PCDH9: variants seen among roughly 807,000 people sequenced by gnomAD.
PCDH9 encodes the protein protocadherin 9.
In PCDH9, 24 loss-of-function variants were observed where a neutral mutation model predicts 70.6. The observed-to-expected ratio is 0.34, with a 90% CI of 0.25 to 0.48. The LOEUF (loss-of-function observed/expected upper bound fraction) is 0.48. Ranked by LOEUF, PCDH9 falls within the 20% of genes least tolerant of loss-of-function variation. The probability of loss-of-function intolerance (pLI) is 0.99; values close to 1 mark genes in which losing one functional copy is unlikely to be tolerated. For synonymous variants in PCDH9, 562 were observed against 558.5 expected (o/e 1.01, Z -0.09); for missense variants, 1,281 against 1,503.6 (o/e 0.85, Z 2.45).
At chr13:66,864,680 C>G (rs2081540906) in intron 3 of PCDH9, among the ~76,000 whole-genome samples, 1 of 152,228 alleles carries the variant, frequency 6.6e-6, no homozygotes. Context: ...CTGGAATTCT[C>G]TCTTTCCCAC....
At chr13:66,760,714 A>C (rs1197273158) in intron 3 of PCDH9, among the ~76,000 whole-genome samples, 1 of 152,208 alleles carries the variant, frequency 6.6e-6, no homozygotes, top group East Asian at 1.9e-4. Flanking sequence ...GGCAGAACAG[A>C]GTCATATTTC....
chr13:66,687,154 G>C (rs544578497), intron 3 of PCDH9, among the ~76,000 whole-genome samples: 3 of 152,134 alleles, frequency 2.0e-5, no homozygotes, highest in Non-Finnish European at 4.4e-5. Context: ...AATAAGCCAA[G>C]TTTTGTTTGT....
chr13:66,527,101 T>C (rs1960249452), intron 4 of PCDH9, among the ~76,000 whole-genome samples: 1 of 152,010 alleles, frequency 6.6e-6, no homozygotes, highest in Non-Finnish European at 1.5e-5. Context: ...TGCAAAATCT[T>C]TCCATAAAAC....
Position 67,228,025 on chromosome 13 carries a change from G to A in PCDH9, c.416C>T (p.Ala139Val). 1 of 1,613,832 alleles carries A rather than the reference G, an allele frequency of 6.2e-7. No individual in the cohort carries two copies. Among genetic ancestry groups the A allele is most frequent in the Non-Finnish European group, 8.5e-7 (1 of 1,179,814 alleles). Residue 139 changes from alanine to valine, a missense_variant, in exon 2 of 5, where the codon GCC becomes GTC. Transcript: ENST00000377865. Reference sequence around the variant, plus strand: ...GATGACAGGAGATGGAAACATGGGGGCATTATCATTGGTATCCTTGACAAT... The same window carrying A: ...GATGACAGGAGATGGAAACATGGGGACATTATCATTGGTATCCTTGACAAT... ...KIIVKDTNDN[A>V]PMFPSPVINI...
At chr13:66,846,670 GAGT>G (rs1221710189) in intron 3 of PCDH9, among the ~76,000 whole-genome samples, 1 of 151,970 alleles carries the variant, frequency 6.6e-6, no homozygotes, top group African/African-American at 2.4e-5. Flanking sequence ...TATTAAGCTA[GAGT>G]CCCTTTGTAT....
intron 2 of PCDH9, among the ~76,000 whole-genome samples, chr13:67,071,991 T>G (rs1203111824): frequency 6.6e-6 from 1 of 152,014 alleles, no homozygotes; most frequent in Non-Finnish European, 1.5e-5. Flanking sequence ...CAATGTGGTT[T>G]ATGCAATTGA....
At chr13:66,751,356 T>C (rs892761392) in intron 3 of PCDH9, among the ~76,000 whole-genome samples, 5 of 152,088 alleles carry the variant, frequency 3.3e-5, no homozygotes, top group Non-Finnish European at 7.4e-5. Flanking sequence ...AATGTATAAA[T>C]CTAAGTTTTT....
At chr13:66,567,942 G>C (rs150162897) in intron 4 of PCDH9, among the ~76,000 whole-genome samples, 1 of 152,160 alleles carries the variant, frequency 6.6e-6, no homozygotes, top group East Asian at 1.9e-4. Context: ...TATTCCACTA[G>C]TGCTGGTTTG....
At chr13:66,694,800 A>G (rs1418289715) in intron 3 of PCDH9, among the ~76,000 whole-genome samples, 1 of 152,104 alleles carries the variant, frequency 6.6e-6, no homozygotes, top group Non-Finnish European at 1.5e-5. Flanking sequence ...TTGCATATTC[A>G]GAAACTTTAT....
intron 2 of PCDH9, among the ~76,000 whole-genome samples, chr13:67,058,471 C>T (rs762783177): frequency 2.6e-5 from 4 of 152,170 alleles, no homozygotes; most frequent in Non-Finnish European, 2.9e-5. Context: ...TCATTTTTCA[C>T]TGCATTGCCC....
At chr13:67,070,815 CT>C (rs1402140612) in intron 2 of PCDH9, among the ~76,000 whole-genome samples, 1 of 151,930 alleles carries the variant, frequency 6.6e-6, no homozygotes, top group East Asian at 1.9e-4. Flanking sequence ...TAAGTTGATT[CT>C]TTTTTTTCTG....
chr13:66,385,668 T>C (rs949268156), intron 4 of PCDH9, among the ~76,000 whole-genome samples: 1 of 152,218 alleles, frequency 6.6e-6, no homozygotes, highest in Non-Finnish European at 1.5e-5. Context: ...TATTATATAA[T>C]TTAAATTTAT....
At chr13:67,061,900 TC>T (rs1317893960) in intron 2 of PCDH9, among the ~76,000 whole-genome samples, 4 of 152,116 alleles carry the variant, frequency 2.6e-5, no homozygotes, top group Non-Finnish European at 5.9e-5. Context: ...AATAAGGAAA[TC>T]AATTCCTGCC....
At chr13:66,430,112 T>C (rs899916298) in intron 4 of PCDH9, among the ~76,000 whole-genome samples, 1 of 152,060 alleles carries the variant, frequency 6.6e-6, no homozygotes, top group Non-Finnish European at 1.5e-5. Context: ...TCCCTATTTA[T>C]AAAAGTAATA....
At chr13:66,911,343 G>T (rs751455467) in intron 2 of PCDH9, among the ~76,000 whole-genome samples, 1 of 152,078 alleles carries the variant, frequency 6.6e-6, no homozygotes, top group Non-Finnish European at 1.5e-5. Context: ...CCCACATCTG[G>T]CTGTAAATTC....
At chr13:66,659,776 A>T (rs569845738) in intron 3 of PCDH9, among the ~76,000 whole-genome samples, 1 of 151,078 alleles carries the variant, frequency 6.6e-6, no homozygotes. Flanking sequence ...CCATTAAATC[A>T]TCAAAGAAGC....
Position 66,805,270 on chromosome 13 carries a change from A to C in PCDH9, c.3138+98234T>G, listed in dbSNP as rs559471287. ...CAGGACATGTAGCAGATCTCTAGAG[A>C]TATTGTTGAGTCCTAATTATCAAAC... On this transcript the variant is annotated intron_variant, in intron 3 of 4. Transcript: ENST00000377865. Among the ~76,000 whole-genome samples, 125 of 152,230 alleles carry C rather than the reference A, an allele frequency of 8.2e-4. 1 individual carries two copies. In the South Asian group the frequency reaches 0.023, roughly 28 times the overall value.
At chr13:66,937,898 G>A (rs2082943284) in intron 2 of PCDH9, among the ~76,000 whole-genome samples, 1 of 151,990 alleles carries the variant, frequency 6.6e-6, no homozygotes, top group African/African-American at 2.4e-5. Flanking sequence ...TCATTCTGGG[G>A]GTTGCCCAAT....
intron 4 of PCDH9, among the ~76,000 whole-genome samples, chr13:66,335,274 A>AT (rs1243696385): frequency 6.6e-6 from 1 of 152,086 alleles, no homozygotes; most frequent in Non-Finnish European, 1.5e-5. Context: ...TCCTAATGTT[A>AT]TTTTTTCATT....
Sources: gnomAD v4.1 joint callset for allele counts (sites outside exome capture counted in the v4.1 genomes callset) on GRCh38, gnomAD v4.1.1 for gene constraint, MANE v1.5 for transcripts, NCBI Gene and HGNC (gene_info 2026-07-23, HGNC 2026-07-21) for gene names.